Variants in GLYATL2 observed in about 807,000 individuals in gnomAD.
GLYATL2 encodes glycine N-acyltransferase-like protein 2.
GLYATL2 carries 25 observed loss-of-function variants against 21.4 expected under a neutral mutation model. That is an observed-to-expected ratio of 1.17 (90% confidence interval 0.85 to 1.63). The LOEUF is 1.63. Among genes scored for constraint, GLYATL2 ranks in the 40% most tolerant of loss-of-function variants. The pLI is 0.00. For synonymous variants in GLYATL2, 114 were observed against 118.2 expected (o/e 0.96, Z 0.23); for missense variants, 361 against 343.3 (o/e 1.05, Z -0.41).
chr11:58,869,628 A>G (rs1361351587), intron 1 of GLYATL2, among the ~76,000 whole-genome samples: 3 of 152,366 alleles, frequency 2.0e-5, no homozygotes, highest in South Asian at 2.1e-4. Context: ...GTGTATGCAC[A>G]TGTGTTACCT....
At chr11:58,885,551 C>G (rs1184962346) in intron 1 of GLYATL2, 6 of 435,846 alleles carry the variant, frequency 1.4e-5, no homozygotes, top group Non-Finnish European at 2.8e-5. Flanking sequence ...GGTAGGCACA[C>G]AAACAGGGAC....
chr11:58,871,447 C>A (rs1296884979), intron 1 of GLYATL2, among the ~76,000 whole-genome samples: 2 of 142,900 alleles, frequency 1.4e-5, no homozygotes, highest in Non-Finnish European at 3.0e-5. Context: ...CCCCACCCCA[C>A]AACAGGCCCC....
At chr11:58,851,933 G>T (rs1460825371) in intron 1 of GLYATL2, among the ~76,000 whole-genome samples, 1 of 152,160 alleles carries the variant, frequency 6.6e-6, no homozygotes, top group Non-Finnish European at 1.5e-5. Flanking sequence ...ATAGATTTGA[G>T]ATAATTCAAA....
chr11:58,844,791 T>A (rs1853614505), upstream of GLYATL2: 1 of 152,194 alleles, frequency 6.6e-6, no homozygotes, highest in Non-Finnish European at 1.5e-5. Flanking sequence ...AATTTTCCAT[T>A]GTTGGCAAAA....
intron 1 of GLYATL2, among the ~76,000 whole-genome samples, chr11:58,875,994 T>C (rs978618343): frequency 2.0e-5 from 3 of 152,202 alleles, no homozygotes; most frequent in Admixed American, 6.5e-5. Flanking sequence ...CATTTCTTTT[T>C]ATTCTTTTTT....
At chr11:58,836,087 A>G (rs1853426016) in intron 5 of GLYATL2, among the ~76,000 whole-genome samples, 1 of 152,184 alleles carries the variant, frequency 6.6e-6, no homozygotes, top group Non-Finnish European at 1.5e-5. Context: ...CATATTACCC[A>G]GTTACTTTGT....
intron 1 of GLYATL2, among the ~76,000 whole-genome samples, chr11:58,854,498 T>C (rs1853794333): frequency 6.6e-6 from 1 of 152,254 alleles, no homozygotes. Flanking sequence ...CTGCTAAAAA[T>C]GCTAAGGATA....
chr11:58,895,287 G>A (rs1854614481), intron 1 of GLYATL2, among the ~76,000 whole-genome samples: 1 of 152,188 alleles, frequency 6.6e-6, no homozygotes, highest in African/African-American at 2.4e-5. Flanking sequence ...AAAATTATCA[G>A]TAAACACAAT....
At chr11:58,894,792 A>T (rs972980215) in intron 1 of GLYATL2, among the ~76,000 whole-genome samples, 1 of 152,206 alleles carries the variant, frequency 6.6e-6, no homozygotes, top group African/African-American at 2.4e-5. Flanking sequence ...CTAAACTAAG[A>T]CCTGGCTGAT....
chr11:58,869,137 A>G (rs570194042), intron 1 of GLYATL2, among the ~76,000 whole-genome samples: 3 of 152,326 alleles, frequency 2.0e-5, no homozygotes, highest in Non-Finnish European at 4.4e-5. Flanking sequence ...TTGAGTTTGT[A>G]CACTTTTGGG....
At chr11:58,902,970 A>G (rs919607774) in intron 1 of GLYATL2, among the ~76,000 whole-genome samples, 2 of 152,198 alleles carry the variant, frequency 1.3e-5, no homozygotes, top group African/African-American at 4.8e-5. Flanking sequence ...CTGCAAAAGG[A>G]AAATCAAAGC....
intron 1 of GLYATL2, chr11:58,885,521 A>T: frequency 2.1e-6 from 1 of 485,654 alleles, no homozygotes; most frequent in Admixed American, 2.1e-5. Context: ...TCAGATAGTT[A>T]TTATCCAACC....
chr11:58,854,712 C>A (rs527529037), intron 1 of GLYATL2, among the ~76,000 whole-genome samples: 10 of 145,692 alleles, frequency 6.9e-5, no homozygotes, highest in Non-Finnish European at 1.4e-4. Context: ...TATTTGGTAG[C>A]ATTTTACCCA....
chr11:58,893,368 A>T (rs1854579631), intron 1 of GLYATL2: 1 of 216,960 alleles, frequency 4.6e-6, no homozygotes, highest in Non-Finnish European at 1.0e-5. Flanking sequence ...AAATAAAGGC[A>T]CCCACACATT....
At chr11:58,855,813 T>G (rs1278692579) in intron 1 of GLYATL2, among the ~76,000 whole-genome samples, 1 of 152,172 alleles carries the variant, frequency 6.6e-6, no homozygotes, top group Non-Finnish European at 1.5e-5. Context: ...ATTTGCTGCT[T>G]CCCTTTGCAC....
chr11:58,859,782 G>A (rs1321838457), intron 1 of GLYATL2, among the ~76,000 whole-genome samples: 1 of 151,902 alleles, frequency 6.6e-6, no homozygotes, highest in Non-Finnish European at 1.5e-5. Context: ...ACCATTTTTG[G>A]TTGATTTTTA....
chr11:58,880,177 T>A lies in GLYATL2; in HGVS notation n.60+23979A>T, dbSNP rs551286755. On this transcript the variant is annotated intron_variant and non_coding_transcript_variant, in intron 1 of 4. Coordinates refer to the GLYATL2 transcript ENST00000533636. ...CCGGCCAACAGTTTCTTAAAGAGTATGGGGAGGGGTCTACCCAGGATTTTA... is the reference window on the plus strand; with the variant it reads ...CCGGCCAACAGTTTCTTAAAGAGTAAGGGGAGGGGTCTACCCAGGATTTTA... Among the ~76,000 whole-genome samples the A allele has an allele frequency of 8.5e-5, 13 of 152,254 alleles. No individual in the cohort carries two copies. In the South Asian group the frequency reaches 1.5e-3, roughly 17 times the overall value.
intron 5 of GLYATL2, 46 bp from the exon 6 acceptor site, chr11:58,834,883 A>G (rs748845012): frequency 7.1e-7 from 1 of 1,417,970 alleles, no homozygotes; most frequent in South Asian, 1.4e-5. Context: ...ATATTACCAA[A>G]CACTGGAATT....
At chr11:58,865,676 T>G (rs1854011150) in intron 1 of GLYATL2, among the ~76,000 whole-genome samples, 1 of 148,896 alleles carries the variant, frequency 6.7e-6, no homozygotes, top group South Asian at 2.1e-4. Context: ...TTTCCTCTCT[T>G]TCAGAAAGTT....
Sources: allele counts gnomAD v4.1 joint callset (sites outside exome capture counted in the v4.1 genomes callset), GRCh38; gene constraint gnomAD v4.1.1; transcripts MANE v1.5; gene names NCBI Gene and HGNC (gene_info 2026-07-23, HGNC 2026-07-21).